The following NAALADL2 variants were observed in gnomAD, a reference collection of about 807,000 sequenced individuals.
NAALADL2 encodes the protein inactive N-acetylated-alpha-linked acidic dipeptidase-like protein 2.
A neutral mutation model predicts 87.2 loss-of-function variants in NAALADL2; 76 were observed. That is an observed-to-expected ratio of 0.87 (90% CI 0.72 to 1.05). The LOEUF (loss-of-function observed/expected upper bound fraction) is 1.05. NAALADL2 is among the 50% of genes least tolerant of loss of function. The probability of loss-of-function intolerance (pLI) is 0.00; values close to 1 mark genes in which losing one functional copy is unlikely to be tolerated. For missense variants in NAALADL2, 1,089 were observed against 945.8 expected (o/e 1.15, Z -1.99); for synonymous variants, 354 against 331.0 (o/e 1.07, Z -0.75).
At chr3:175,001,501 T>C (rs555943175) in intron 1 of NAALADL2, among the ~76,000 whole-genome samples, 70 of 152,338 alleles carry the variant, frequency 4.6e-4, no homozygotes, top group African/African-American at 1.6e-3. Context: ...TTAAATAGGC[T>C]TTCCTAATAT....
intron 2 of NAALADL2, among the ~76,000 whole-genome samples, chr3:174,636,602 A>T (rs958645916): frequency 6.6e-6 from 1 of 152,174 alleles, no homozygotes; most frequent in African/African-American, 2.4e-5. Context: ...AACCACAATG[A>T]GATATCATCT....
chr3:175,386,370 C>T (rs1042696581), intron 5 of NAALADL2, among the ~76,000 whole-genome samples: 3 of 152,016 alleles, frequency 2.0e-5, no homozygotes, highest in Admixed American at 2.0e-4. Context: ...AAAATCTTTA[C>T]CTGACCTCTG....
chr3:175,780,713 G>A (rs1750933910), intron 13 of NAALADL2, among the ~76,000 whole-genome samples: 2 of 151,976 alleles, frequency 1.3e-5, no homozygotes, highest in South Asian at 2.1e-4. Flanking sequence ...CATTAAAAAA[G>A]ATAAAGCAAA....
rs572906232 is a variant in NAALADL2 at position 174,929,066 on chromosome 3, A to G, written c.43+69616A>G. Among the ~76,000 whole-genome samples, 4 of 152,314 alleles carry G rather than the reference A, an allele frequency of 2.6e-5. No homozygotes were observed. The South Asian group carries it at 8.3e-4, about 32-fold the overall frequency. ...AGATATGCATCTCTTAGGAGATGAC[A>G]TTTGAGCTGAAATTGACTGAAAAAA... On this transcript the variant is annotated intron_variant, in intron 1 of 13. Transcript: ENST00000454872.
chr3:174,690,945 C>T (rs1028846343), intron 2 of NAALADL2, among the ~76,000 whole-genome samples: 7 of 152,054 alleles, frequency 4.6e-5, no homozygotes, highest in African/African-American at 1.2e-4. Context: ...TCATCACTGC[C>T]CCTTTTCATC....
intron 2 of NAALADL2, among the ~76,000 whole-genome samples, chr3:174,607,282 C>A (rs562137722): frequency 6.6e-6 from 1 of 151,420 alleles, no homozygotes; most frequent in South Asian, 2.1e-4. Flanking sequence ...AACCAGCTAA[C>A]ATCATAATGA....
At chr3:174,987,701 A>G (rs1265017422) in intron 1 of NAALADL2, among the ~76,000 whole-genome samples, 1 of 146,370 alleles carries the variant, frequency 6.8e-6, no homozygotes, top group Non-Finnish European at 1.5e-5. Flanking sequence ...ATCATAGCTC[A>G]CTGTAACCTG....
Position 175,361,978 on chromosome 3 carries a change from T to C in NAALADL2, c.1090+37653T>C, listed in dbSNP as rs560357152. Among the ~76,000 whole-genome samples, 23 of 148,274 alleles carry C rather than the reference T, an allele frequency of 1.6e-4. 1 individual carries two copies. In the South Asian group the frequency reaches 5.1e-3, roughly 33 times the overall value. ...CCTGAATGGTATTGCCTAGGTTTTC[T>C]TCTAGGGTTTTTATGGTTTTAGGTC... On this transcript the variant is annotated intron_variant, in intron 5 of 13. Coordinates refer to ENST00000454872, the MANE Select transcript of NAALADL2 (RefSeq NM_207015.3).
chr3:174,929,200 C>G (rs1247748730), intron 1 of NAALADL2, among the ~76,000 whole-genome samples: 1 of 152,128 alleles, frequency 6.6e-6, no homozygotes, highest in African/African-American at 2.4e-5. Context: ...ATACGTGGAG[C>G]AGAGGAGAGC....
At chr3:175,346,099 T>G (rs1763126639) in intron 5 of NAALADL2, among the ~76,000 whole-genome samples, 1 of 152,174 alleles carries the variant, frequency 6.6e-6, no homozygotes, top group Non-Finnish European at 1.5e-5. Flanking sequence ...GACTGTAACA[T>G]TTATATATTT....
chr3:174,914,269 G>A (rs746768822), intron 1 of NAALADL2, among the ~76,000 whole-genome samples: 9 of 151,902 alleles, frequency 5.9e-5, no homozygotes, highest in Non-Finnish European at 1.2e-4. Flanking sequence ...CACCATGTTG[G>A]CCAGGCTGGT....
At position 175,697,874 on chromosome 3, in the gene NAALADL2, CATAT is replaced by C. The variant is rs1305542307; in HGVS notation, c.1897-39427_1897-39424del. Among the ~76,000 whole-genome samples, 2 of 93,714 alleles carry C rather than the reference CATAT, an allele frequency of 2.1e-5. 1 individual carries two copies. Among genetic ancestry groups the C allele is most frequent in the Admixed American group, 2.3e-4 (2 of 8,704 alleles). The allele number at this position is 93,714 out of a possible 152,430, so 61.5% of individuals were successfully genotyped here. Reference sequence around the variant, plus strand: ...ATATATGTGTATATATGTATGTATACATATATATGTGTATATATGTATGTATACA... The same window carrying C: ...ATATATGTGTATATATGTATGTATACATATGTGTATATATGTATGTATACA... On this transcript the variant is annotated intron_variant, in intron 11 of 13. Transcript: ENST00000454872.
intron 1 of NAALADL2, among the ~76,000 whole-genome samples, chr3:174,882,619 GCATATATGTGCATATA>G (rs1196118410): frequency 3.5e-5 from 4 of 114,540 alleles, no homozygotes; most frequent in East Asian, 2.3e-4. Context: ...ATGTGCATAT[GCATATATGTGCATATA>G]CACATATGTG....
At chr3:174,875,112 CAAAAAAAAAAA>C (rs10547300) in intron 1 of NAALADL2, among the ~76,000 whole-genome samples, 9 of 41,534 alleles carry the variant, frequency 2.2e-4, no homozygotes, top group East Asian at 2.6e-3. Flanking sequence ...GACCCTGTCT[CAAAAAAAAAAA>C]AAAAAAAAAA....
intron 1 of NAALADL2, chr3:174,523,308 C>T (rs902531343): frequency 3.3e-5 from 5 of 152,060 alleles, no homozygotes; most frequent in Non-Finnish European, 7.4e-5. Flanking sequence ...ACCATTAGAA[C>T]TAAAGTAGAC....
At chr3:174,555,973 C>T (rs1344179577) in intron 2 of NAALADL2, among the ~76,000 whole-genome samples, 2 of 123,826 alleles carry the variant, frequency 1.6e-5, no homozygotes, top group Non-Finnish European at 3.5e-5. Flanking sequence ...GCCTTATCCT[C>T]CGTGTGTGTG....
chr3:175,215,236 G>A lies in NAALADL2; in HGVS notation c.546-18695G>A, dbSNP rs565019713. On this transcript the variant is annotated intron_variant, in intron 2 of 13. Transcript: ENST00000454872. ...TCAGGGTTGATGTGAACATTTATAAGTCATGATTATTATTACTGCTAATTC... is the reference window on the plus strand; with the variant it reads ...TCAGGGTTGATGTGAACATTTATAAATCATGATTATTATTACTGCTAATTC... Among the ~76,000 whole-genome samples the A allele has an allele frequency of 1.6e-4, 25 of 152,240 alleles. 2 individuals carry two copies. In the South Asian group the frequency reaches 5.2e-3, roughly 32 times the overall value.
chr3:175,344,933 T>C lies in NAALADL2; in HGVS notation c.1090+20608T>C, dbSNP rs1311291123. ...ATTATCGCTGTTATTAATCCCCACTTTACAGATGAGGAAACTAGAACAAAA... is the reference window on the plus strand; with the variant it reads ...ATTATCGCTGTTATTAATCCCCACTCTACAGATGAGGAAACTAGAACAAAA... On this transcript the variant is annotated intron_variant, in intron 5 of 13. Transcript: ENST00000454872. 3.3e-5 allele frequency among the ~76,000 whole-genome samples: 5 copies of C among 152,100 alleles called. No homozygotes were observed. In the South Asian group the frequency reaches 1.0e-3, roughly 31 times the overall value.
intron 9 of NAALADL2, among the ~76,000 whole-genome samples, chr3:175,515,305 A>G (rs1361099984): frequency 6.6e-6 from 1 of 152,210 alleles, no homozygotes; most frequent in Non-Finnish European, 1.5e-5. Context: ...AGAGGCCTCA[A>G]CAAATAGTCT....
Sources: gnomAD v4.1 joint callset for allele counts (sites outside exome capture counted in the v4.1 genomes callset) on GRCh38, gnomAD v4.1.1 for gene constraint, MANE v1.5 for transcripts, NCBI Gene and HGNC (gene_info 2026-07-23, HGNC 2026-07-21) for gene names.